Variants in RENBP observed in about 807,000 individuals in gnomAD.
RENBP encodes the protein N-acylglucosamine 2-epimerase.
A neutral mutation model predicts 37.8 loss-of-function variants in RENBP; 16 were observed. That is an observed-to-expected ratio of 0.42 (90% CI 0.29 to 0.64). The LOEUF (loss-of-function observed/expected upper bound fraction) is 0.64, where lower values mean the gene tolerates loss of function less well. RENBP is among the 30% of genes least tolerant of loss of function. RENBP has a pLI of 0.19. For synonymous variants in RENBP, 170 were observed against 154.8 expected (o/e 1.10, Z -0.73); for missense variants, 347 against 379.5 (o/e 0.91, Z 0.71).
intron 9 of RENBP, 81 bp downstream of exon 9, chrX:153,940,021 G>C: frequency 9.1e-7 from 1 of 1,100,219 alleles, no homozygotes; most frequent in Non-Finnish European, 1.2e-6. Context: ...TGTGCTCAGC[G>C]AGGGGGCAAG....
At position 153,940,124 on chromosome X, in the gene RENBP, A is replaced by G. The variant is rs1557109294; in HGVS notation, c.1055T>C (p.Val352Ala). 8.3e-7 allele frequency: 1 copy of G among 1,211,138 alleles called. No individual in the cohort carries two copies. Among genetic ancestry groups the G allele is most frequent in the Admixed American group, 2.2e-5 (1 of 45,964 alleles). ...CACCTGGCGGAAGGTGTACTCAGCC[A>G]CTTGGTAGAAGAGGCGCAGCAGCAC... ...DPVLLRLFYQ[V>A]AEYTFRQFRD... Residue 352 changes from valine (V) to alanine (A), a missense_variant, in exon 9 of 11, where the codon GTG becomes GCG. By Grantham distance (64) the Val-to-Ala change is moderately conservative. Around this residue, in one of 3 missense-constraint regions of RENBP, gnomAD observed 91 missense variants for 67.7 expected, o/e 1.34. Transcript: ENST00000393700.
Position 153,935,393 on chromosome X carries a change from C to T in RENBP, c.1177G>A (p.Val393Met), listed in dbSNP as rs782382654. 2.6e-6 allele frequency: 3 copies of T among 1,150,686 alleles called. No homozygotes were observed. The South Asian group carries it at 6.0e-5, about 23-fold the overall frequency. The allele number at this position is 1,150,686 out of a possible 1,213,427, so 94.8% of individuals were successfully genotyped here. Reference protein sequence around the residue: ...KGGPFKGCFHVPRCLAMCEEM... With the variant: ...KGGPFKGCFHMPRCLAMCEEM... ...TCGCACATGGCTAGGCACCGCGGCA[C>T]GTGGAAGCAGCCTGCGGGTAGAGGC... is the stretch of plus-strand genomic sequence containing the variant. The change falls in exon 11 of 11, where the codon GTG (valine) becomes ATG (methionine). Residue 393 changes from valine (V) to methionine (M), a missense_variant. Coordinates refer to ENST00000393700, the MANE Select transcript of RENBP (RefSeq NM_002910.6).
chrX:153,935,329 G>A lies in RENBP; in HGVS notation c.1241C>T (p.Ala414Val). 1 of 954,713 alleles carries A rather than the reference G, an allele frequency of 1.0e-6. No individual in the cohort carries two copies. Among genetic ancestry groups the A allele is most frequent in the Non-Finnish European group, 1.4e-6 (1 of 728,688 alleles). The allele number at this position is 954,713 out of a possible 1,213,427, so 78.7% of individuals were successfully genotyped here. A position where few individuals can be genotyped will look rare whatever the true frequency, so the allele number is the denominator to read the frequency against. The change falls in exon 11 of 11, where the codon GCC (alanine) becomes GTC (valine). Residue 414 changes from alanine to valine, a missense_variant. Physicochemically the swap from Ala to Val is moderately conservative, Grantham distance 64 (BLOSUM62 0). Transcript: ENST00000393700. Reference sequence around the variant, plus strand: ...GGCGGGGGTGGGGGCGGGGGAGGGGGCGGGGGCGGGGCGGCTCAGCAGGGC... The same window carrying A: ...GGCGGGGGTGGGGGCGGGGGAGGGGACGGGGGCGGGGCGGCTCAGCAGGGC... Reference protein sequence around the residue: ...LGALLSRPAPAPSPAPTPACR... With the variant: ...LGALLSRPAPVPSPAPTPACR...
At chrX:153,942,725 G>T in intron 6 of RENBP, 130 bp downstream of exon 6, 1 of 572,053 alleles carries the variant, frequency 1.7e-6, no homozygotes, top group Non-Finnish European at 2.9e-6. Context: ...CAGCCCTCAG[G>T]CCCTCCACCT....
In RENBP at chrX:153,935,504, C is replaced by G; in HGVS notation, c.1150G>C (p.Gly384Arg). 8.3e-7 allele frequency: 1 copy of G among 1,208,861 alleles called. No individual in the cohort carries two copies. Among genetic ancestry groups the G allele is most frequent in the Non-Finnish European group, 1.1e-6 (1 of 893,139 alleles). Residue 384 changes from glycine to arginine, a missense_variant, in exon 10 of 11, where the codon GGA becomes CGA. By Grantham distance (125) the Gly-to-Arg change is moderately radical. Transcript: ENST00000393700. Reference sequence around the variant, plus strand: ...CCCCACTCACCTTTGAAAGGACCTCCCTTGATGGAGAGGGCCACCTTGCCC... The same window carrying G: ...CCCCACTCACCTTTGAAAGGACCTCGCTTGATGGAGAGGGCCACCTTGCCC... ...REGKVALSIKGGPFKGCFHVP... is the reference protein window; with the variant it reads ...REGKVALSIKRGPFKGCFHVP...
chrX:153,940,272 T>C, intron 8 of RENBP, 39 bp from the exon 9 acceptor site: 1 of 1,203,185 alleles, frequency 8.3e-7, no homozygotes, highest in Non-Finnish European at 1.1e-6. Flanking sequence ...AGCAGGAAAC[T>C]CCCCTCCGCA....
In RENBP at chrX:153,942,897, C is replaced by G; in HGVS notation, c.645G>C (p.Glu215Asp). Reference protein sequence around the residue: ...ADEELAGKYAELGDWCARRIL... With the variant: ...ADEELAGKYADLGDWCARRIL... ...TCCTCCGGGCGCACCAGTCCCCCAG[C>G]TCTGCGTATTTGCCCGCCAGCTCCT... is the stretch of plus-strand genomic sequence containing the variant. The change falls in exon 6 of 11, where the codon GAG becomes GAC. Residue 215 changes from glutamate to aspartate, a missense_variant. By Grantham distance (45) the Glu-to-Asp change is conservative. Coordinates refer to ENST00000393700, the MANE Select transcript of RENBP (RefSeq NM_002910.6). 8.3e-7 allele frequency: 1 copy of G among 1,211,396 alleles called. No homozygotes were observed. The highest frequency in any genetic ancestry group is 1.1e-6 in the Non-Finnish European group (1 of 895,307).
intron 6 of RENBP, chrX:153,942,650 G>A: frequency 2.3e-6 from 1 of 439,073 alleles, no homozygotes; most frequent in Admixed American, 4.1e-5. Context: ...GCCTGGAAGG[G>A]ACTTGGGTGG....
In RENBP at chrX:153,938,799, T is replaced by TG. The variant is rs1557108991; in HGVS notation, c.1077+1302_1077+1303insC. On this transcript the variant is annotated intron_variant, in intron 9 of 10. Transcript: ENST00000393700. Reference sequence around the variant, plus strand: ...TCTGTACTGTTTTTTTTTTTTTGTTTTTTTTTTTTTTGAGACCAAGTCTTG... The same window carrying TG: ...TCTGTACTGTTTTTTTTTTTTTGTTTGTTTTTTTTTTTGAGACCAAGTCTTG... Among the ~76,000 whole-genome samples, 458 of 97,461 alleles carry TG rather than the reference T, an allele frequency of 4.7e-3. 4 individuals are homozygous for TG. The highest frequency in any genetic ancestry group is 0.017 in the African/African-American group (436 of 25,244). The allele number at this position is 97,461 out of a possible 115,157, so 84.6% of individuals were successfully genotyped here.
chrX:153,944,447 C>A (rs781800509), intron 1 of RENBP, 29 bp from the exon 2 acceptor site: 18 of 1,179,545 alleles, frequency 1.5e-5, no homozygotes, highest in Admixed American at 2.2e-5. Flanking sequence ...GAAGGCGCAG[C>A]CCCCACATGG....
At chrX:153,940,965 C>T (rs1318357165) in intron 8 of RENBP, among the ~76,000 whole-genome samples, 3 of 109,811 alleles carry the variant, frequency 2.7e-5, no homozygotes, top group Non-Finnish European at 5.7e-5. Context: ...CATGGAGAAA[C>T]CCCGTCTCTA....
chrX:153,943,202 G>T, intron 5 of RENBP, 123 bp from the exon 6 acceptor site: 1 of 540,706 alleles, frequency 1.8e-6, no homozygotes, highest in Non-Finnish European at 2.9e-6. Context: ...CTTCATCCAG[G>T]GCCTACTTGG....
At chrX:153,936,432 G>T (rs1557108565) in intron 9 of RENBP, among the ~76,000 whole-genome samples, 2 of 104,957 alleles carry the variant, frequency 1.9e-5, no homozygotes, top group Non-Finnish European at 3.9e-5. Flanking sequence ...CGTGAACCCG[G>T]GAGGCGGAGC....
At chrX:153,939,960 A>T in intron 9 of RENBP, 142 bp downstream of exon 9, 1 of 767,481 alleles carries the variant, frequency 1.3e-6, no homozygotes, top group Non-Finnish European at 1.9e-6. Flanking sequence ...TTCTTCGTTG[A>T]CTGAACGAAC....
At chrX:153,943,453 T>G in intron 5 of RENBP, 93 bp downstream of exon 5, 3 of 932,165 alleles carry the variant, frequency 3.2e-6, no homozygotes, top group Non-Finnish European at 4.5e-6. Flanking sequence ...GATGGGTCCA[T>G]GGGAGGGGAC....
intron 1 of RENBP, 48 bp from the exon 2 acceptor site, chrX:153,944,466 C>T (rs1557110245): frequency 8.7e-7 from 1 of 1,151,522 alleles, no homozygotes; most frequent in Non-Finnish European, 1.2e-6. Flanking sequence ...GGGACCTAGG[C>T]CCCCCCAGCC....
At chrX:153,940,058 T>C in intron 9 of RENBP, 44 bp downstream of exon 9, 3 of 1,197,823 alleles carry the variant, frequency 2.5e-6, no homozygotes, top group Middle Eastern at 2.3e-4. Context: ...ACTCCCCCCA[T>C]TCCCCCATTC....
At chrX:153,939,194 C>A (rs78237385) in intron 9 of RENBP, among the ~76,000 whole-genome samples, 17,112 of 110,330 alleles carry the variant, frequency 0.16, 1,752 homozygotes, top group East Asian at 0.68. Flanking sequence ...CTTAAGCAGT[C>A]CTCCTGCCTC....
intron 4 of RENBP, 62 bp downstream of exon 4, chrX:153,943,833 T>C: frequency 8.6e-7 from 1 of 1,165,595 alleles, no homozygotes; most frequent in Non-Finnish European, 1.2e-6. Flanking sequence ...ACTCCGCACA[T>C]GTGCCCTGTT....
Sources: gnomAD v4.1 joint callset for allele counts (sites outside exome capture counted in the v4.1 genomes callset) on GRCh38, gnomAD v4.1.1 for gene constraint, gnomAD v4.1.1 regional missense constraint, MANE v1.5 for transcripts, NCBI Gene and HGNC (gene_info 2026-07-23, HGNC 2026-07-21) for gene names.